THSD7A: variants seen among roughly 807,000 people sequenced by gnomAD.
THSD7A encodes thrombospondin type-1 domain-containing protein 7A.
A neutral mutation model predicts 231.3 loss-of-function variants in THSD7A; 96 were observed. The ratio of observed to expected loss-of-function variants is 0.41; its 90% CI spans 0.35 to 0.49. The LOEUF is 0.49. Ranked by LOEUF, THSD7A falls within the 20% of genes least tolerant of loss-of-function variation. THSD7A has a pLI of 0.05. For synonymous variants in THSD7A, 940 were observed against 743.3 expected, an observed-to-expected ratio of 1.26 and a Z score of -4.30; for missense variants, 2,290 against 2,070.2, an observed-to-expected ratio of 1.11 and a Z score of -2.06.
chr7:11,542,691 T>A (rs981595285), intron 5 of THSD7A, among the ~76,000 whole-genome samples: 1 of 152,210 alleles, frequency 6.6e-6, no homozygotes, highest in African/African-American at 2.4e-5. Flanking sequence ...AATCCAGGCC[T>A]GACCCCACAG....
intron 1 of THSD7A, among the ~76,000 whole-genome samples, chr7:11,667,406 C>G (rs561030823): frequency 6.6e-6 from 1 of 152,082 alleles, no homozygotes. Context: ...ACCTACAACA[C>G]GAGCGTTTGT....
chr7:11,824,655 C>T (rs2128188026), intron 1 of THSD7A, among the ~76,000 whole-genome samples: 1 of 152,166 alleles, frequency 6.6e-6, no homozygotes, highest in Non-Finnish European at 1.5e-5. Flanking sequence ...ACTTTTTGAT[C>T]CAACCAACCA....
intron 1 of THSD7A, among the ~76,000 whole-genome samples, chr7:11,818,213 A>T (rs1210461326): frequency 6.6e-6 from 1 of 152,204 alleles, no homozygotes; most frequent in Admixed American, 6.5e-5. Context: ...CCAAGGGAAA[A>T]CATTTTCTAC....
chr7:11,551,820 T>C (rs540466682), intron 4 of THSD7A, among the ~76,000 whole-genome samples: 4 of 152,228 alleles, frequency 2.6e-5, no homozygotes, highest in African/African-American at 9.6e-5. Flanking sequence ...AACTACCATT[T>C]GACCCAGCCA....
rs911942488 is a variant in THSD7A at position 11,501,797 on chromosome 7, G to A, written c.1823-19815C>T. Among the ~76,000 whole-genome samples the A allele has an allele frequency of 1.1e-4, 16 of 152,086 alleles. 1 individual carries two copies. The highest frequency in any genetic ancestry group is 8.5e-4 in the Admixed American group (13 of 15,266). ...AACAAAAAATCAGAGCTGAACTGGAGGAAATTAAGACACAAAAAAACATTC... is the reference window on the plus strand; with the variant it reads ...AACAAAAAATCAGAGCTGAACTGGAAGAAATTAAGACACAAAAAAACATTC... On this transcript the variant is annotated intron_variant, in intron 6 of 27. Transcript: ENST00000423059.
At chr7:11,799,314 G>A in intron 1 of THSD7A, among the ~76,000 whole-genome samples, 1 of 152,160 alleles carries the variant, frequency 6.6e-6, no homozygotes, top group Non-Finnish European at 1.5e-5. Context: ...ACAAATAAGT[G>A]CTTTATCTTC....
chr7:11,500,870 G>A (rs1366094972), intron 6 of THSD7A, among the ~76,000 whole-genome samples: 1 of 151,458 alleles, frequency 6.6e-6, no homozygotes, highest in African/African-American at 2.4e-5. Context: ...GGGAGGCAAA[G>A]TTGCACTGAG....
At chr7:11,477,290 C>A (rs1049723338) in intron 7 of THSD7A, among the ~76,000 whole-genome samples, 1 of 152,098 alleles carries the variant, frequency 6.6e-6, no homozygotes, top group African/African-American at 2.4e-5. Context: ...ACAATGTCTT[C>A]CAATTAGAGT....
At chr7:11,822,329 TAA>T (rs1473075667) in intron 1 of THSD7A, among the ~76,000 whole-genome samples, 4 of 152,254 alleles carry the variant, frequency 2.6e-5, no homozygotes, top group South Asian at 2.1e-4. Flanking sequence ...TGGTTTCACT[TAA>T]GTTAAAGACC....
chr7:11,493,862 TG>T (rs939071694), intron 6 of THSD7A, among the ~76,000 whole-genome samples: 2 of 152,080 alleles, frequency 1.3e-5, no homozygotes, highest in African/African-American at 2.4e-5. Context: ...TAGAAACCTT[TG>T]GGGGTAATAT....
At chr7:11,430,490 T>G (rs764824600) in intron 13 of THSD7A, among the ~76,000 whole-genome samples, 8 of 152,162 alleles carry the variant, frequency 5.3e-5, no homozygotes, top group Non-Finnish European at 1.2e-4. Flanking sequence ...TAGAGATGTC[T>G]CACTCTGTCA....
chr7:11,382,637 T>A, intron 23 of THSD7A, 21 bp from the exon 24 acceptor site: 1 of 1,576,316 alleles, frequency 6.3e-7, no homozygotes, highest in Non-Finnish European at 8.7e-7. Context: ...ATAATAAACA[T>A]TAGCAGAAGC....
At chr7:11,593,167 C>T in intron 3 of THSD7A, 87 bp downstream of exon 3, 3 of 1,491,840 alleles carry the variant, frequency 2.0e-6, no homozygotes, top group Non-Finnish European at 2.7e-6. Context: ...GTAAAAATTA[C>T]TGTTGCTTAG....
At chr7:11,543,194 G>A (rs1789228431) in intron 4 of THSD7A, 77 bp from the exon 5 acceptor site, 1 of 1,339,404 alleles carries the variant, frequency 7.5e-7, no homozygotes. Context: ...TTTTCTGTGT[G>A]TATGGAAAAG....
intron 1 of THSD7A, among the ~76,000 whole-genome samples, chr7:11,827,319 A>G (rs560410462): frequency 3.3e-4 from 50 of 152,230 alleles, no homozygotes; most frequent in African/African-American, 1.2e-3. Flanking sequence ...GTTGTTTTTT[A>G]TTCAATCAAG....
intron 1 of THSD7A, among the ~76,000 whole-genome samples, chr7:11,652,778 G>C (rs774621217): frequency 2.0e-5 from 3 of 151,876 alleles, no homozygotes. Flanking sequence ...TGAATTTATG[G>C]TTTAGGGTAA....
At chr7:11,721,340 T>C (rs751327277) in intron 1 of THSD7A, among the ~76,000 whole-genome samples, 1 of 151,768 alleles carries the variant, frequency 6.6e-6, no homozygotes, top group African/African-American at 2.4e-5. Flanking sequence ...CTTGCTAATC[T>C]TATGACAGTG....
chr7:11,799,929 T>C (rs898808145), intron 1 of THSD7A, among the ~76,000 whole-genome samples: 6 of 152,330 alleles, frequency 3.9e-5, no homozygotes, highest in African/African-American at 1.2e-4. Flanking sequence ...AGCAACCAAA[T>C]TGTAGATTTT....
chr7:11,768,295 T>C (rs750415670), intron 1 of THSD7A, among the ~76,000 whole-genome samples: 17 of 152,210 alleles, frequency 1.1e-4, no homozygotes, highest in South Asian at 8.3e-4. Flanking sequence ...CGGAATCATA[T>C]GTTTGTCATA....
Sources: allele counts gnomAD v4.1 joint callset (sites outside exome capture counted in the v4.1 genomes callset), GRCh38; gene constraint gnomAD v4.1.1; transcripts MANE v1.5; gene names NCBI Gene and HGNC (gene_info 2026-07-23, HGNC 2026-07-21).